The following COL24A1 variants were observed in gnomAD, a reference collection of about 807,000 sequenced individuals.
The protein encoded by COL24A1 is collagen type XXIV alpha 1 chain.
Under a neutral mutation model 253.9 loss-of-function variants are expected in COL24A1, and 224 were observed. That is an observed-to-expected ratio of 0.88 (90% CI 0.79 to 0.99). COL24A1 has a LOEUF of 0.99. Ranked by LOEUF, COL24A1 falls within the 50% of genes least tolerant of loss-of-function variation. COL24A1 has a pLI of 0.00. For missense variants in COL24A1, 2,131 were observed against 2,068.5 expected, an observed-to-expected ratio of 1.03 and a Z score of -0.59; for synonymous variants, 685 against 673.7, an observed-to-expected ratio of 1.02 and a Z score of -0.26.
At chr1:86,059,861 T>C (rs373917852) in intron 8 of COL24A1, among the ~76,000 whole-genome samples, 7 of 152,226 alleles carry the variant, frequency 4.6e-5, no homozygotes, top group East Asian at 1.9e-4. Context: ...AAAGAGGCCA[T>C]GTGAGAATAC....
chr1:85,895,345 A>C (rs780295954), intron 31 of COL24A1, among the ~76,000 whole-genome samples: 40 of 152,284 alleles, frequency 2.6e-4, no homozygotes, highest in Middle Eastern at 3.4e-3. Context: ...CTATACTCCA[A>C]AGGCCTAAAA....
At chr1:85,776,155 C>T (rs1668523010) in intron 52 of COL24A1, among the ~76,000 whole-genome samples, 2 of 151,968 alleles carry the variant, frequency 1.3e-5, no homozygotes, top group African/African-American at 4.8e-5. Flanking sequence ...CCGTGCAGTT[C>T]AAAATATTTT....
intron 53 of COL24A1, among the ~76,000 whole-genome samples, chr1:85,764,455 TACACACACACACACACAC>T (rs71075861): frequency 2.7e-4 from 37 of 137,342 alleles, no homozygotes; most frequent in Admixed American, 1.3e-3. Flanking sequence ...AGGTGGAGGA[TACACACACACACACACAC>T]ACACACACAC....
chr1:86,089,959 C>T (rs1453654330), intron 6 of COL24A1, among the ~76,000 whole-genome samples: 1 of 152,218 alleles, frequency 6.6e-6, no homozygotes. Context: ...CAGAGAGAAT[C>T]TCACGGGCTG....
At chr1:86,097,476 C>T (rs1704008767) in intron 5 of COL24A1, among the ~76,000 whole-genome samples, 2 of 48,916 alleles carry the variant, frequency 4.1e-5, no homozygotes, top group African/African-American at 7.0e-5. Context: ...TCCTCCTCCT[C>T]CCTCCTCCTC....
chr1:86,008,715 AAT>A (rs1696205451), intron 19 of COL24A1, among the ~76,000 whole-genome samples: 1 of 152,140 alleles, frequency 6.6e-6, no homozygotes, highest in African/African-American at 2.4e-5. Flanking sequence ...TCTATTTGAA[AAT>A]TACATGATAG....
At position 85,970,270 on chromosome 1, in the gene COL24A1, C is replaced by A; in HGVS notation, c.2420G>T (p.Gly807Val). 1 of 1,586,396 alleles carries A rather than the reference C, an allele frequency of 6.3e-7. No homozygotes were observed. Among genetic ancestry groups the A allele is most frequent in the Non-Finnish European group, 8.6e-7 (1 of 1,169,272 alleles). Reference sequence around the variant, plus strand: ...AAAGGCTCCAATTGGTCCTTCTTCTCCCTTAAAAAAAAAAAAAGTCAGAAC... The same window carrying A: ...AAAGGCTCCAATTGGTCCTTCTTCTACCTTAAAAAAAAAAAAAGTCAGAAC... ...PGPPGLKGTQ[G>V]EEGPIGAFGE... The change falls in exon 22 of 60, where the codon GGA becomes GTA. Residue 807 changes from glycine to valine, a missense_variant and splice_region_variant. By Grantham distance (109) the Gly-to-Val change is moderately radical. Coordinates refer to ENST00000370571, the MANE Select transcript of COL24A1 (RefSeq NM_152890.7).
At chr1:85,955,543 G>A (rs1015890452) in intron 24 of COL24A1, among the ~76,000 whole-genome samples, 7 of 152,234 alleles carry the variant, frequency 4.6e-5, no homozygotes, top group Non-Finnish European at 7.3e-5. Context: ...AGATGCTGCC[G>A]TGGGATTGGA....
chr1:85,780,409 T>C (rs1669029427), intron 52 of COL24A1, among the ~76,000 whole-genome samples: 1 of 152,200 alleles, frequency 6.6e-6, no homozygotes, highest in African/African-American at 2.4e-5. Context: ...GTTTATACTA[T>C]TATCAATATT....
At chr1:86,086,156 TTATC>T (rs1292679067) in intron 7 of COL24A1, among the ~76,000 whole-genome samples, 1 of 152,198 alleles carries the variant, frequency 6.6e-6, no homozygotes, top group Non-Finnish European at 1.5e-5. Flanking sequence ...GAAGTCACTG[TTATC>T]TGTCATCCAA....
intron 2 of COL24A1, among the ~76,000 whole-genome samples, chr1:86,142,476 T>C (rs1293280573): frequency 6.7e-6 from 1 of 149,834 alleles, no homozygotes; most frequent in Non-Finnish European, 1.5e-5. Flanking sequence ...TGAGCCGAGA[T>C]TGCGCCACTG....
intron 19 of COL24A1, among the ~76,000 whole-genome samples, chr1:86,000,853 G>T (rs551750447): frequency 5.2e-4 from 79 of 152,198 alleles, no homozygotes; most frequent in African/African-American, 1.7e-3. Context: ...TAGCCCAGGG[G>T]GCTTAATAGC....
chr1:85,837,883 A>C (rs1265306434), intron 43 of COL24A1, among the ~76,000 whole-genome samples: 1 of 152,190 alleles, frequency 6.6e-6, no homozygotes, highest in Non-Finnish European at 1.5e-5. Context: ...CTAACTCTGT[A>C]AAGCAATTGG....
Position 85,842,027 on chromosome 1 carries a change from A to G in COL24A1, c.3570+41T>C, listed in dbSNP as rs764020133. On this transcript the variant is annotated intron_variant, in intron 41 of 59. Transcript: ENST00000370571. ...CTTTCAGGAATAATTCATGAACTCA[A>G]TGTTTAACTTTAAGATTAAAAAGCC... The G allele has an allele frequency of 2.1e-5, 32 of 1,542,598 alleles. No homozygotes were observed. The South Asian group carries it at 3.4e-4, about 16-fold the overall frequency.
chr1:86,068,617 T>C (rs1701656611), intron 7 of COL24A1, among the ~76,000 whole-genome samples: 1 of 152,068 alleles, frequency 6.6e-6, no homozygotes, highest in African/African-American at 2.4e-5. Context: ...GGGTGGAATG[T>C]GAACTAAGGA....
intron 7 of COL24A1, among the ~76,000 whole-genome samples, chr1:86,069,571 A>G (rs1701722803): frequency 6.6e-6 from 1 of 152,180 alleles, no homozygotes; most frequent in African/African-American, 2.4e-5. Flanking sequence ...GAGGCCCAGT[A>G]GCTCATGTCT....
chr1:85,746,048 C>G (rs777951953), intron 55 of COL24A1, among the ~76,000 whole-genome samples: 1 of 151,786 alleles, frequency 6.6e-6, no homozygotes, highest in African/African-American at 2.4e-5. Flanking sequence ...TCTCCTCTTG[C>G]ATTTAATAAA....
chr1:86,057,956 C>T lies in COL24A1; in HGVS notation c.1826G>A (p.Gly609Asp), dbSNP rs749703480. 3.7e-6 allele frequency: 6 copies of T among 1,612,930 alleles called. No homozygotes were observed. The African/African-American group carries it at 6.7e-5, about 18-fold the overall frequency. ...TTGTGCACCTTTAGGACCTGGATTA[C>T]CTTCTGGTCCAGCTAAACCCTGGTG... The part of the protein sequence containing the change: ...PGRQGLAGPE[G>D]NPGPKGAQGF... Residue 609 changes from glycine (G) to aspartate (D), a missense_variant, in exon 10 of 60, where the codon GGT becomes GAT. By Grantham distance (94) the Gly-to-Asp change is moderately conservative (BLOSUM62 -1). Coordinates refer to ENST00000370571, the MANE Select transcript of COL24A1 (RefSeq NM_152890.7).
At chr1:85,763,582 C>G (rs1278554538) in intron 53 of COL24A1, among the ~76,000 whole-genome samples, 1 of 148,012 alleles carries the variant, frequency 6.8e-6, no homozygotes, top group Non-Finnish European at 1.5e-5. Flanking sequence ...ATCTCTGCCT[C>G]CCAGGTTCAA....
Sources: allele counts gnomAD v4.1 joint callset (sites outside exome capture counted in the v4.1 genomes callset), GRCh38; gene constraint gnomAD v4.1.1; transcripts MANE v1.5; gene names NCBI Gene and HGNC (gene_info 2026-07-23, HGNC 2026-07-21).